The following EXOC5 variants were observed in gnomAD, a reference collection of about 807,000 sequenced individuals.
EXOC5 encodes the protein SEC10-like 1.
EXOC5 carries 17 observed loss-of-function variants against 90.8 expected under a neutral mutation model. That is an observed-to-expected ratio of 0.19 (90% CI 0.13 to 0.28). The LOEUF (loss-of-function observed/expected upper bound fraction) is 0.28, where lower values mean the gene tolerates loss of function less well. Ranked by LOEUF, EXOC5 falls within the 10% of genes least tolerant of loss-of-function variation. The pLI is 1.00. For missense variants in EXOC5, 569 were observed against 830.6 expected (o/e 0.69, Z 3.87); for synonymous variants, 260 against 270.0 (o/e 0.96, Z 0.36).
chr14:57,213,838 T>C (rs111355148), intron 15 of EXOC5, among the ~76,000 whole-genome samples: 36,768 of 151,240 alleles, frequency 0.24, 10,777 homozygotes, highest in African/African-American at 0.71. Flanking sequence ...GGCATGGTGG[T>C]GCGCACCTGT....
chr14:57,233,906 A>G, intron 8 of EXOC5, 23 bp from the exon 9 acceptor site: 1 of 1,603,818 alleles, frequency 6.2e-7, no homozygotes, highest in Non-Finnish European at 8.5e-7. Flanking sequence ...GACATTTTAT[A>G]CAGTGAACAT....
intron 1 of EXOC5, among the ~76,000 whole-genome samples, chr14:57,252,681 TGGTG>T (rs1341641238): frequency 5.9e-5 from 9 of 152,190 alleles, no homozygotes; most frequent in Non-Finnish European, 1.5e-5. Flanking sequence ...TGCACACTGT[TGGTG>T]GGAATGTAAA....
intron 10 of EXOC5, 27 bp downstream of exon 10, chr14:57,232,638 CTA>C: frequency 1.1e-6 from 1 of 937,394 alleles, no homozygotes; most frequent in South Asian, 1.6e-5. Context: ...AATCTGTTAT[CTA>C]TTATTTTCTA....
At chr14:57,259,207 T>C (rs775710057) in intron 1 of EXOC5, among the ~76,000 whole-genome samples, 27 of 152,118 alleles carry the variant, frequency 1.8e-4, no homozygotes, top group Non-Finnish European at 3.7e-4. Flanking sequence ...CAAGCAAGTC[T>C]CATGTCTCAG....
In EXOC5 at chr14:57,234,052, T is replaced by A. The variant is rs1334391260; in HGVS notation, c.670-20A>T. On this transcript the variant is annotated intron_variant, in intron 7 of 17. Transcript: ENST00000621441. Reference sequence around the variant, plus strand: ...ATAACCCTACAAGGAAGAAACACATTGTTATTATTCTGATTCAATTATAAT... The same window carrying A: ...ATAACCCTACAAGGAAGAAACACATAGTTATTATTCTGATTCAATTATAAT... 1 of 1,527,066 alleles carries A rather than the reference T, an allele frequency of 6.5e-7. No individual in the cohort carries two copies. Among genetic ancestry groups the A allele is most frequent in the East Asian group, 2.3e-5 (1 of 44,286 alleles). The allele number at this position is 1,527,066 out of a possible 1,614,324, so 94.6% of individuals were successfully genotyped here.
Position 57,231,002 on chromosome 14 carries a change from CTACTT to C in EXOC5, c.1148+499_1148+503del, listed in dbSNP as rs1166177944. ...ACATTATTTTTTAATTGACAAATAT[CTACTT>C]TACTTTTTTTTTTTTTTTTGACACG... On this transcript the variant is annotated intron_variant, in intron 11 of 17. Coordinates refer to ENST00000621441, the MANE Select transcript of EXOC5 (RefSeq NM_006544.4). Among the ~76,000 whole-genome samples, 12 of 149,098 alleles carry C rather than the reference CTACTT, an allele frequency of 8.0e-5. No individual in the cohort carries two copies. In the East Asian group the frequency reaches 2.3e-3, roughly 29 times the overall value.
intron 9 of EXOC5, chr14:57,232,991 C>CAG (rs1883531608): frequency 3.1e-6 from 1 of 320,310 alleles, no homozygotes; most frequent in Non-Finnish European, 5.7e-6. Flanking sequence ...AATACCTTTT[C>CAG]TGTTAAATTG....
At chr14:57,222,762 CATAT>C (rs149486431) in intron 12 of EXOC5, among the ~76,000 whole-genome samples, 48 of 135,192 alleles carry the variant, frequency 3.6e-4, no homozygotes, top group African/African-American at 5.3e-4. Context: ...CACACACACA[CATAT>C]ATATATATAT....
In EXOC5 at chr14:57,231,774, T is replaced by C; in HGVS notation, c.939-59A>G. The C allele has an allele frequency of 4.3e-6, 5 of 1,164,452 alleles. No homozygotes were observed. In the South Asian group the frequency reaches 7.4e-5, roughly 17 times the overall value. 72.1% of individuals were successfully genotyped at this position (1,164,452 alleles called of 1,614,324 possible). A position where few individuals can be genotyped will look rare whatever the true frequency, so the allele number is the denominator to read the frequency against. ...ATACATTTTAGGTATAGTAACAATA[T>C]TAAGGAATACAAATTTTTACAACGT... is the stretch of plus-strand genomic sequence containing the variant. On this transcript the variant is annotated intron_variant, in intron 10 of 17. Transcript: ENST00000621441.
At chr14:57,244,493 G>A (rs1451591719) in intron 3 of EXOC5, 134 bp from the exon 4 acceptor site, 3 of 671,626 alleles carry the variant, frequency 4.5e-6, no homozygotes, top group South Asian at 1.9e-5. Flanking sequence ...ATGCTCATTA[G>A]TGTGACATGA....
chr14:57,240,817 C>T (rs1202702559), intron 4 of EXOC5, among the ~76,000 whole-genome samples: 2 of 152,026 alleles, frequency 1.3e-5, no homozygotes, highest in Non-Finnish European at 2.9e-5. Flanking sequence ...CTCATAAATA[C>T]GAAGGAAGAG....
At chr14:57,216,662 A>G (rs1014716679) in intron 15 of EXOC5, among the ~76,000 whole-genome samples, 5 of 152,194 alleles carry the variant, frequency 3.3e-5, no homozygotes, top group African/African-American at 1.2e-4. Context: ...TAAATTTAAT[A>G]TAAGACCCAC....
At chr14:57,244,020 G>C in intron 4 of EXOC5, 145 bp downstream of exon 4, 1 of 604,104 alleles carries the variant, frequency 1.7e-6, no homozygotes. Flanking sequence ...AACTGTATTA[G>C]TTTACATTTC....
intron 10 of EXOC5, chr14:57,232,013 T>C: frequency 3.8e-6 from 1 of 266,026 alleles, no homozygotes; most frequent in Non-Finnish European, 7.2e-6. Flanking sequence ...CTCAAGTATG[T>C]CTAATGCCAT....
Position 57,245,975 on chromosome 14 carries a change from G to A in EXOC5, c.270+736C>T, listed in dbSNP as rs556323661. Among the ~76,000 whole-genome samples, 17 of 152,054 alleles carry A rather than the reference G, an allele frequency of 1.1e-4. No individual in the cohort carries two copies. The East Asian group carries it at 2.9e-3, about 26-fold the overall frequency. The stretch of plus-strand genomic sequence containing the variant: ...TGAGACAGGAGAATCACTTGAACTT[G>A]GGAGGTGGAGGTTGCAGTGAGCCAA... On this transcript the variant is annotated intron_variant, in intron 3 of 17. Coordinates refer to ENST00000621441, the MANE Select transcript of EXOC5 (RefSeq NM_006544.4).
chr14:57,242,709 G>A (rs1395469935), intron 4 of EXOC5, among the ~76,000 whole-genome samples: 1 of 152,052 alleles, frequency 6.6e-6, no homozygotes, highest in East Asian at 1.9e-4. Context: ...AAGGTGATTG[G>A]TACAGAGTCC....
intron 12 of EXOC5, among the ~76,000 whole-genome samples, chr14:57,226,927 A>G (rs1230081018): frequency 1.3e-5 from 2 of 152,202 alleles, no homozygotes; most frequent in African/African-American, 2.4e-5. Context: ...GACTTCTTAT[A>G]TATGACACCA....
chr14:57,219,461 CAT>C lies in EXOC5; in HGVS notation c.1406-21_1406-20del. 6.4e-7 allele frequency: 1 copy of C among 1,554,398 alleles called. No individual in the cohort carries two copies. Among genetic ancestry groups the C allele is most frequent in the Non-Finnish European group, 8.7e-7 (1 of 1,151,818 alleles). Reference sequence around the variant, plus strand: ...GGAATTCCTAAAACCAGAAAGCATACATATGTTAGAATCATCCTTGAAGAAAT... The same window carrying C: ...GGAATTCCTAAAACCAGAAAGCATACATGTTAGAATCATCCTTGAAGAAAT... On this transcript the variant is annotated intron_variant, in intron 13 of 17. Transcript: ENST00000621441.
intron 12 of EXOC5, among the ~76,000 whole-genome samples, chr14:57,227,732 C>A (rs1028071697): frequency 6.6e-6 from 1 of 152,054 alleles, no homozygotes; most frequent in Non-Finnish European, 1.5e-5. Flanking sequence ...ACTGCGTATG[C>A]GTATTCTTTG....
Sources: gnomAD v4.1 joint callset for allele counts (sites outside exome capture counted in the v4.1 genomes callset) on GRCh38, gnomAD v4.1.1 for gene constraint, MANE v1.5 for transcripts, NCBI Gene and HGNC (gene_info 2026-07-23, HGNC 2026-07-21) for gene names.